The following PRR14L variants were observed in gnomAD, a reference collection of about 807,000 sequenced individuals.
The protein encoded by PRR14L is proline rich 14 like.
In PRR14L, 80 loss-of-function variants were observed where a neutral mutation model predicts 155.0. That is an observed-to-expected ratio of 0.52 (90% confidence interval 0.43 to 0.62). The LOEUF (loss-of-function observed/expected upper bound fraction) is 0.62. Among genes scored for constraint, PRR14L ranks in the 20% least tolerant of loss-of-function variants. PRR14L has a pLI of 0.00. For synonymous variants in PRR14L, 883 were observed against 916.0 expected (o/e 0.96, Z 0.65); for missense variants, 2,469 against 2,548.0 (o/e 0.97, Z 0.67).
chr22:31,714,538 G>T lies in PRR14L; in HGVS notation c.3301C>A (p.Leu1101Met). 1 of 1,552,052 alleles carries T rather than the reference G, an allele frequency of 6.4e-7. No homozygotes were observed. ...GTTGTTCCTGTATGTGCAGCATCCA[G>T]TTCTCTCCGAGACAAGGTACTCCTG... ...DSRSTLSRRE[L>M]DAAHTGTTGQ... The change falls in exon 4 of 9, where the codon CTG (leucine) becomes ATG (methionine). Residue 1101 changes from leucine (L) to methionine (M), a missense_variant. Around this residue, in one of 2 missense-constraint regions of PRR14L, gnomAD observed 2,363 missense variants for 2,371.6 expected, o/e 1.00. Transcript: ENST00000327423.
chr22:31,706,023 A>G lies in PRR14L; in HGVS notation c.5757-1297T>C, dbSNP rs577725094. 3.4e-5 allele frequency among the ~76,000 whole-genome samples: 5 copies of G among 148,956 alleles called. No individual in the cohort carries two copies. The South Asian group carries it at 1.1e-3, about 32-fold the overall frequency. The stretch of plus-strand genomic sequence containing the variant: ...CTCAAAAACCAAACTAAACAAAACA[A>G]CATAGCTATATAGAAGAAAATTAAT... On this transcript the variant is annotated intron_variant, in intron 4 of 8. Transcript: ENST00000327423.
intron 5 of PRR14L, 38 bp downstream of exon 5, chr22:31,704,617 G>A (rs372515434): frequency 2.1e-5 from 33 of 1,545,656 alleles, no homozygotes; most frequent in Middle Eastern, 1.7e-4. Context: ...ACACACACAC[G>A]CACACGCGCA....
chr22:31,685,724 C>T lies in PRR14L; in HGVS notation c.6259G>A (p.Val2087Ile). 1.9e-6 allele frequency: 3 copies of T among 1,551,686 alleles called. No individual in the cohort carries two copies. Among genetic ancestry groups the T allele is most frequent in the African/African-American group, 1.4e-5 (1 of 73,174 alleles). ...ACTGTAAAATCCTGAAATTCTAGAA[C>T]TCGCTTCCTCTTCTGTTGGCTGATT... The part of the protein sequence containing the change: ...ISISQQKRKR[V>I]LEFQDFTVPR... Residue 2087 changes from valine to isoleucine, a missense_variant, in exon 9 of 9, where the codon GTT becomes ATT. By Grantham distance (29) the Val-to-Ile change is conservative (BLOSUM62 3). Around this residue, in one of 2 missense-constraint regions of PRR14L, gnomAD observed 106 missense variants for 176.4 expected, o/e 0.60. Coordinates refer to ENST00000327423, the MANE Select transcript of PRR14L (RefSeq NM_173566.3).
intron 3 of PRR14L, among the ~76,000 whole-genome samples, chr22:31,718,803 G>GTGGCTCATGCCTGTAATTCCAGCGA (rs370838870): frequency 0.13 from 19,962 of 151,830 alleles, 1,724 homozygotes; most frequent in African/African-American, 0.24. Context: ...GCCAGGCATG[G>GTGGCTCATGCCTGTAATTCCAGCGA]TGGCTCATGC....
At position 31,688,437 on chromosome 22, in the gene PRR14L, A is replaced by G. The variant is rs752039333; in HGVS notation, c.6108-210T>C. Among the ~76,000 whole-genome samples, 111 of 152,026 alleles carry G rather than the reference A, an allele frequency of 7.3e-4. 1 individual carries two copies. Among genetic ancestry groups the G allele is most frequent in the Non-Finnish European group, 1.3e-4 (9 of 67,974 alleles). ...GCCAGGCTAGATTAAAAAAAAAAAAATTAGGCATGAGCTACTGTGCACAGC... is the reference window on the plus strand; with the variant it reads ...GCCAGGCTAGATTAAAAAAAAAAAAGTTAGGCATGAGCTACTGTGCACAGC... On this transcript the variant is annotated intron_variant, in intron 7 of 8. Transcript: ENST00000327423.
chr22:31,727,626 T>A (rs975070098), intron 2 of PRR14L, among the ~76,000 whole-genome samples: 1 of 152,150 alleles, frequency 6.6e-6, no homozygotes, highest in Admixed American at 6.6e-5. Context: ...AAGCAAGTTA[T>A]CCCTCACAGG....
intron 1 of PRR14L, among the ~76,000 whole-genome samples, chr22:31,742,894 A>G (rs2074819837): frequency 6.6e-6 from 1 of 152,228 alleles, no homozygotes; most frequent in Non-Finnish European, 1.5e-5. Context: ...CATAAAAAGG[A>G]ATGGAGAAAT....
At position 31,715,366 on chromosome 22, in the gene PRR14L, C is replaced by T; in HGVS notation, c.2473G>A (p.Glu825Lys). ...QVDNSLITKY[E>K]NAFQHRDHCC... ...TGATCACGGTGCTGAAATGCATTTT[C>T]ATATTTTGTTATCAAAGAGTTATCA... is the stretch of plus-strand genomic sequence containing the variant. The change falls in exon 4 of 9, where the codon GAA (glutamate) becomes AAA (lysine). Residue 825 changes from glutamate to lysine, a missense_variant. Coordinates refer to ENST00000327423, the MANE Select transcript of PRR14L (RefSeq NM_173566.3). The T allele has an allele frequency of 1.9e-6, 3 of 1,552,064 alleles. No homozygotes were observed. Among genetic ancestry groups the T allele is most frequent in the East Asian group, 4.9e-5 (2 of 40,926 alleles).
In PRR14L at chr22:31,685,757, G is replaced by A; in HGVS notation, c.6226C>T (p.Leu2076=). 5 of 1,551,570 alleles carry A rather than the reference G, an allele frequency of 3.2e-6. No homozygotes were observed. Among genetic ancestry groups the A allele is most frequent in the Non-Finnish European group, 4.4e-6 (5 of 1,146,936 alleles). Residue 2076 remains leucine, a synonymous_variant, in exon 9 of 9, where the codon CTA becomes TTA. Coordinates refer to ENST00000327423, the MANE Select transcript of PRR14L (RefSeq NM_173566.3). ...CTCTTCTGTTGGCTGATTGAGATTA[G>A]TGTACCATTTCGTTCCTTGGGTTCC... ...FEEPKERNGT[L]ISISQQKRKR... is the part of the protein sequence containing the mutation.
intron 7 of PRR14L, among the ~76,000 whole-genome samples, chr22:31,701,082 G>A (rs8138997): frequency 0.014 from 2,195 of 151,788 alleles, 55 homozygotes; most frequent in African/African-American, 0.051. Flanking sequence ...CCACCTCCCA[G>A]GCTCAAGCGA....
chr22:31,740,564 T>C (rs745680772), intron 1 of PRR14L, among the ~76,000 whole-genome samples: 1 of 151,874 alleles, frequency 6.6e-6, no homozygotes. Flanking sequence ...TTTTGATATG[T>C]TGTCCAGGCT....
intron 2 of PRR14L, among the ~76,000 whole-genome samples, chr22:31,736,294 G>A (rs1351058704): frequency 6.6e-6 from 1 of 151,218 alleles, no homozygotes; most frequent in Non-Finnish European, 1.5e-5. Context: ...GCTGAAGCAG[G>A]AGAATTGCTT....
intron 4 of PRR14L, among the ~76,000 whole-genome samples, chr22:31,706,320 A>G (rs1345102243): frequency 6.9e-6 from 1 of 144,536 alleles, no homozygotes; most frequent in Non-Finnish European, 1.5e-5. Context: ...CCGAGATCAC[A>G]CCACTGCACT....
rs550985284 is a variant in PRR14L, at chr22:31,750,102, G to C, written c.-161C>G. On this transcript the variant is annotated 5_prime_UTR_variant, in exon 1 of 9. Coordinates refer to ENST00000327423, the MANE Select transcript of PRR14L (RefSeq NM_173566.3). ...CCTACGGAGCCGACAGAGGCCGGGG[G>C]CGCTCCGGCCGCCGCCACCTCTTCG... 1.3e-5 allele frequency: 2 copies of C among 152,648 alleles called. No individual in the cohort carries two copies. The highest frequency in any genetic ancestry group is 3.9e-4 in the East Asian group (2 of 5,184). 9.5% of individuals were successfully genotyped at this position (152,648 alleles called of 1,614,324 possible).
intron 3 of PRR14L, among the ~76,000 whole-genome samples, chr22:31,722,289 G>A (rs1033199597): frequency 2.0e-5 from 3 of 151,678 alleles, no homozygotes; most frequent in Admixed American, 6.6e-5. Context: ...AAAATCAGCC[G>A]GGCATGGTGG....
At chr22:31,720,692 G>T (rs570364358) in intron 3 of PRR14L, among the ~76,000 whole-genome samples, 1 of 152,294 alleles carries the variant, frequency 6.6e-6, no homozygotes, top group African/African-American at 2.4e-5. Flanking sequence ...CCAAGATCGT[G>T]CCACTGCACT....
intron 1 of PRR14L, among the ~76,000 whole-genome samples, chr22:31,748,609 G>A (rs767089216): frequency 3.9e-5 from 6 of 152,188 alleles, no homozygotes. Flanking sequence ...ATTTTCTTGG[G>A]AGAGCAAAAG....
At chr22:31,694,539 A>G (rs529903286) in intron 7 of PRR14L, among the ~76,000 whole-genome samples, 1 of 152,032 alleles carries the variant, frequency 6.6e-6, no homozygotes, top group African/African-American at 2.4e-5. Context: ...TGAGGTCAGG[A>G]GATCGAGACC....
chr22:31,682,991 G>C lies in PRR14L; in HGVS notation c.*2536C>G, dbSNP rs2147848568. On this transcript the variant is annotated 3_prime_UTR_variant, in exon 9 of 9. Coordinates refer to ENST00000327423, the MANE Select transcript of PRR14L (RefSeq NM_173566.3). ...AGGTATATACATCACCTTCAGGTAA[G>C]TAATTTCAAGTTTGCAGTGGGGCCC... is the stretch of plus-strand genomic sequence containing the variant. 6.6e-6 allele frequency: 1 copy of C among 152,342 alleles called. No individual in the cohort carries two copies. The highest frequency in any genetic ancestry group is 1.9e-4 in the East Asian group (1 of 5,184). The allele number at this position is 152,342 out of a possible 1,614,324, so 9.4% of individuals were successfully genotyped here.
Sources: gnomAD v4.1 joint callset for allele counts (sites outside exome capture counted in the v4.1 genomes callset) on GRCh38, gnomAD v4.1.1 for gene constraint, gnomAD v4.1.1 regional missense constraint, MANE v1.5 for transcripts, NCBI Gene and HGNC (gene_info 2026-07-23, HGNC 2026-07-21) for gene names.